Variants in MTHFD2L observed in about 807,000 individuals in gnomAD.
MTHFD2L encodes methylenetetrahydrofolate dehydrogenase (NADP+ dependent) 2 like.
Under a neutral mutation model 34.9 loss-of-function variants are expected in MTHFD2L, and 29 were observed. That is an observed-to-expected ratio of 0.83 (90% confidence interval 0.62 to 1.13). The LOEUF (loss-of-function observed/expected upper bound fraction) is 1.13. Among genes scored for constraint, MTHFD2L ranks in the 50% most tolerant of loss-of-function variants. The pLI, the probability that MTHFD2L is intolerant of heterozygous loss-of-function variation, is 0.00. For missense variants in MTHFD2L, 481 were observed against 446.5 expected (o/e 1.08, Z -0.70); for synonymous variants, 167 against 155.7 (o/e 1.07, Z -0.54).
At chr4:74,245,024 C>T (rs1048133777) in intron 6 of MTHFD2L, among the ~76,000 whole-genome samples, 1 of 151,890 alleles carries the variant, frequency 6.6e-6, no homozygotes, top group Non-Finnish European at 1.5e-5. Context: ...GAAACCCCGT[C>T]TCTACTAAAA....
Position 74,185,175 on chromosome 4 carries a change from AAAAAT to A in MTHFD2L, c.451+9773_451+9777del, listed in dbSNP as rs1386766883. On this transcript the variant is annotated intron_variant, in intron 3 of 7. Transcript: ENST00000325278. ...TCAAAAAAAAAAAAAAAAAAAAAAA[AAAAAT>A]CTGGAAAATCCCTAAATATTTGAAA... Among the ~76,000 whole-genome samples the A allele has an allele frequency of 2.5e-4, 38 of 150,668 alleles. 3 individuals carry two copies. The highest frequency in any genetic ancestry group is 9.3e-4 in the African/African-American group (38 of 40,934).
upstream of MTHFD2L, chr4:74,157,364 CTG>C (rs1259110806): frequency 3.5e-5 from 10 of 282,786 alleles, no homozygotes; most frequent in African/African-American, 2.2e-4. Flanking sequence ...CTGGTTTTAT[CTG>C]TGACTGTTTT....
intron 3 of MTHFD2L, chr4:74,190,516 A>G: frequency 1.0e-6 from 1 of 985,240 alleles, no homozygotes. Context: ...CGGCCTAGAG[A>G]ACTCCTTCCA....
chr4:74,255,136 C>CAAAAAAAAAAAAAAA (rs34300013), intron 6 of MTHFD2L, among the ~76,000 whole-genome samples: 3 of 69,182 alleles, frequency 4.3e-5, no homozygotes, highest in African/African-American at 6.3e-5. Context: ...ACTCCATCTC[C>CAAAAAAAAAAAAAAA]AAAAAAAAAA....
At chr4:74,165,780 A>G (rs1385688177) in intron 1 of MTHFD2L, among the ~76,000 whole-genome samples, 3 of 152,372 alleles carry the variant, frequency 2.0e-5, no homozygotes, top group Middle Eastern at 3.4e-3. Flanking sequence ...GAAACACCAC[A>G]TAAACTGCTA....
chr4:74,133,652 C>T (rs1479169063), intron 1 of MTHFD2L, among the ~76,000 whole-genome samples: 1 of 152,060 alleles, frequency 6.6e-6, no homozygotes, highest in Non-Finnish European at 1.5e-5. Context: ...TCCAAGATTT[C>T]TGTTTCATTT....
At chr4:74,210,371 A>C (rs1053938363) in intron 5 of MTHFD2L, among the ~76,000 whole-genome samples, 1 of 152,006 alleles carries the variant, frequency 6.6e-6, no homozygotes, top group Admixed American at 6.6e-5. Flanking sequence ...TTTGTATGAG[A>C]TGTAAGGAAA....
At chr4:74,138,851 C>T (rs1175197749) in intron 1 of MTHFD2L, among the ~76,000 whole-genome samples, 1 of 152,174 alleles carries the variant, frequency 6.6e-6, no homozygotes, top group East Asian at 1.9e-4. Context: ...GTTTATATCC[C>T]AATCATTGTC....
At chr4:74,217,036 T>C (rs1047545510) in intron 5 of MTHFD2L, among the ~76,000 whole-genome samples, 3 of 151,786 alleles carry the variant, frequency 2.0e-5, no homozygotes, top group Non-Finnish European at 1.5e-5. Flanking sequence ...ATATGATCTG[T>C]CCCTGGGCTG....
chr4:74,139,207 G>T (rs1191963873), intron 1 of MTHFD2L, among the ~76,000 whole-genome samples: 1 of 152,164 alleles, frequency 6.6e-6, no homozygotes, highest in Non-Finnish European at 1.5e-5. Context: ...GCCCAGGTTT[G>T]CCCTAGCTCT....
At chr4:74,215,866 T>C (rs1232010571) in intron 5 of MTHFD2L, among the ~76,000 whole-genome samples, 1 of 151,654 alleles carries the variant, frequency 6.6e-6, no homozygotes, top group East Asian at 1.9e-4. Flanking sequence ...CTGCATTTTA[T>C]ATAATGGTGC....
chr4:74,188,765 T>TAC (rs1171944356), intron 3 of MTHFD2L, among the ~76,000 whole-genome samples: 3 of 116,634 alleles, frequency 2.6e-5, no homozygotes, highest in Non-Finnish European at 4.9e-5. Context: ...TATATATATA[T>TAC]GTGTATACAT....
chr4:74,267,633 C>T (rs770615162), intron 6 of MTHFD2L: 49 of 679,360 alleles, frequency 7.2e-5, no homozygotes, highest in Non-Finnish European at 8.5e-5. Flanking sequence ...CAAGGTTTCC[C>T]TATGTTGCCC....
intron 5 of MTHFD2L, among the ~76,000 whole-genome samples, chr4:74,222,773 T>C (rs1369903675): frequency 6.6e-6 from 1 of 152,096 alleles, no homozygotes; most frequent in Non-Finnish European, 1.5e-5. Flanking sequence ...AATTCTTGCA[T>C]TTTCAAAATT....
At position 74,143,847 on chromosome 4, in the gene MTHFD2L, G is replaced by A. The variant is rs192761060; in HGVS notation, c.-296-16208G>A. ...AAGAGAAAAGCATTATGTTCAGATA[G>A]GATAAGGAGAAACATTTATATGAAT... is the stretch of plus-strand genomic sequence containing the variant. On this transcript the variant is annotated intron_variant, in intron 1 of 7. Coordinates refer to the MTHFD2L transcript ENST00000433372. 2.1e-3 allele frequency among the ~76,000 whole-genome samples: 315 copies of A among 152,130 alleles called. 2 individuals carry two copies. The highest frequency in any genetic ancestry group is 7.3e-3 in the Admixed American group (112 of 15,296).
chr4:74,165,981 T>G (rs1271276039), intron 1 of MTHFD2L, among the ~76,000 whole-genome samples: 1 of 152,238 alleles, frequency 6.6e-6, no homozygotes, highest in Non-Finnish European at 1.5e-5. Flanking sequence ...AGGGGAAAAT[T>G]AAAGTTTTTC....
At chr4:74,183,019 T>C (rs1331608209) in intron 3 of MTHFD2L, 1 of 151,974 alleles carries the variant, frequency 6.6e-6, no homozygotes, top group Non-Finnish European at 1.5e-5. Context: ...CACCAAACTC[T>C]CAAGCTCATG....
chr4:74,271,870 T>C (rs1746037555), intron 6 of MTHFD2L, among the ~76,000 whole-genome samples: 1 of 151,562 alleles, frequency 6.6e-6, no homozygotes, highest in Non-Finnish European at 1.5e-5. Context: ...TAGTTGTCCT[T>C]GAAGAGGTCT....
At chr4:74,255,258 T>A (rs1386357072) in intron 6 of MTHFD2L, among the ~76,000 whole-genome samples, 1 of 151,926 alleles carries the variant, frequency 6.6e-6, no homozygotes, top group Non-Finnish European at 1.5e-5. Flanking sequence ...AGAGGTTTTG[T>A]ATATAGCTAA....
Sources: gnomAD v4.1 joint callset for allele counts (sites outside exome capture counted in the v4.1 genomes callset) on GRCh38, gnomAD v4.1.1 for gene constraint, MANE v1.5 for transcripts, NCBI Gene and HGNC (gene_info 2026-07-23, HGNC 2026-07-21) for gene names.